The following UBE2R2 variants were observed in gnomAD, a reference collection of about 807,000 sequenced individuals.
UBE2R2 encodes the protein ubiquitin conjugating enzyme E2 R2.
A neutral mutation model predicts 27.8 loss-of-function variants in UBE2R2; 1 was observed. The ratio of observed to expected loss-of-function variants is 0.04; its 90% CI spans 0.01 to 0.17. The LOEUF (loss-of-function observed/expected upper bound fraction) is 0.17. Ranked by LOEUF, UBE2R2 falls within the 10% of genes least tolerant of loss-of-function variation. The pLI, the probability that UBE2R2 is intolerant of heterozygous loss-of-function variation, is 1.00. For missense variants in UBE2R2, 100 were observed against 291.0 expected, an observed-to-expected ratio of 0.34 and a Z score of 4.78; for synonymous variants, 106 against 113.3, an observed-to-expected ratio of 0.94 and a Z score of 0.41.
rs778731566 is a variant in UBE2R2, at chr9:33,917,177, T to G, written c.657T>G (p.Asp219Glu). The G allele has an allele frequency of 2.5e-6, 4 of 1,614,108 alleles. No individual in the cohort carries two copies. Among genetic ancestry groups the G allele is most frequent in the Non-Finnish European group, 2.5e-6 (3 of 1,179,998 alleles). Reference protein sequence around the residue: ...DLYDDDIDDEDEEEEDADCYD... With the variant: ...DLYDDDIDDEEEEEEDADCYD... ...ATGATGACGACATTGATGATGAAGA[T>G]GAGGAGGAGGAAGATGCCGACTGTT... Residue 219 changes from aspartate to glutamate, a missense_variant, in exon 5 of 5, where the codon GAT (aspartate) becomes GAG (glutamate). This residue lies in a region of UBE2R2 where 55 missense variants were observed against 122.6 expected (regional missense o/e 0.45). Transcript: ENST00000263228.
intron 1 of UBE2R2, among the ~76,000 whole-genome samples, chr9:33,828,165 G>A (rs1217248496): frequency 6.6e-6 from 1 of 151,284 alleles, no homozygotes; most frequent in East Asian, 2.0e-4. Flanking sequence ...AGCTGGTTGT[G>A]GTAGCACGCG....
intron 2 of UBE2R2, among the ~76,000 whole-genome samples, chr9:33,899,652 C>G (rs998525539): frequency 6.6e-6 from 1 of 152,174 alleles, no homozygotes; most frequent in African/African-American, 2.4e-5. Context: ...GGATTACAGG[C>G]GTGAGCCACC....
rs1352493193 is a variant in UBE2R2 at position 33,918,783 on chromosome 9, C to CGTAA, written c.*1547_*1550dup. On this transcript the variant is annotated 3_prime_UTR_variant, in exon 5 of 5. Transcript: ENST00000263228. Reference sequence around the variant, plus strand: ...ACTAGTGTCAACTCCTCCTTTGGCTCGTAACTCAGAAAGAACCAAAGGGCA... The same window carrying CGTAA: ...ACTAGTGTCAACTCCTCCTTTGGCTCGTAAGTAACTCAGAAAGAACCAAAGGGCA... 6.6e-6 allele frequency: 1 copy of CGTAA among 152,596 alleles called. No individual in the cohort carries two copies. Among genetic ancestry groups the CGTAA allele is most frequent in the East Asian group, 1.9e-4 (1 of 5,190 alleles). 9.5% of individuals were successfully genotyped at this position (152,596 alleles called of 1,614,324 possible). A position where few individuals can be genotyped will look rare whatever the true frequency, so the allele number is the denominator to read the frequency against.
At chr9:33,908,915 C>T (rs776242654) in intron 3 of UBE2R2, among the ~76,000 whole-genome samples, 3 of 151,904 alleles carry the variant, frequency 2.0e-5, no homozygotes, top group Non-Finnish European at 4.4e-5. Context: ...ATTATCACTT[C>T]AGCCCAGGAG....
At chr9:33,859,799 T>TGTGTGTGTGTGTGTGA (rs766779268) in intron 1 of UBE2R2, among the ~76,000 whole-genome samples, 73 of 86,578 alleles carry the variant, frequency 8.4e-4, no homozygotes, top group East Asian at 5.3e-3. Flanking sequence ...TGTGTGTGTG[T>TGTGTGTGTGTGTGTGA]GAGAGAGAGA....
chr9:33,906,097 G>C (rs1207863613), intron 3 of UBE2R2, among the ~76,000 whole-genome samples: 1 of 147,178 alleles, frequency 6.8e-6, no homozygotes. Flanking sequence ...TGTTGTTGTC[G>C]TCGTCGTCGT....
At chr9:33,886,382 C>T (rs1821852708) in intron 1 of UBE2R2, among the ~76,000 whole-genome samples, 1 of 152,044 alleles carries the variant, frequency 6.6e-6, no homozygotes, top group African/African-American at 2.4e-5. Flanking sequence ...AGGGGCAGGG[C>T]ACGGTGGCTC....
intron 1 of UBE2R2, among the ~76,000 whole-genome samples, chr9:33,870,462 ATGTT>A (rs938308691): frequency 1.2e-4 from 19 of 152,218 alleles, no homozygotes; most frequent in Middle Eastern, 3.4e-3. Flanking sequence ...ATAATGTACT[ATGTT>A]TGGGGAGAAT....
chr9:33,916,363 C>T (rs1245566034), intron 4 of UBE2R2, among the ~76,000 whole-genome samples: 1 of 152,002 alleles, frequency 6.6e-6, no homozygotes, highest in Admixed American at 6.6e-5. Flanking sequence ...GTGGGTCGTG[C>T]AAGACACTGG....
At chr9:33,913,491 G>A (rs576295262) in intron 4 of UBE2R2, among the ~76,000 whole-genome samples, 1 of 152,024 alleles carries the variant, frequency 6.6e-6, no homozygotes, top group South Asian at 2.1e-4. Context: ...TGAACTCTTG[G>A]CCTCAAGTGA....
rs550060915 is a variant in UBE2R2 at position 33,818,149 on chromosome 9, A to G, written c.177+215A>G. On this transcript the variant is annotated intron_variant, in intron 1 of 4. Coordinates refer to ENST00000263228, the MANE Select transcript of UBE2R2 (RefSeq NM_017811.4). Reference sequence around the variant, plus strand: ...GGGCGGGGGCTCGGGCGGGGGCGGGAGGGCAGGCTGCACCGGGAAATCGGA... The same window carrying G: ...GGGCGGGGGCTCGGGCGGGGGCGGGGGGGCAGGCTGCACCGGGAAATCGGA... Among the ~76,000 whole-genome samples, 173 of 149,466 alleles carry G rather than the reference A, an allele frequency of 1.2e-3. 2 individuals carry two copies. The highest frequency in any genetic ancestry group is 0.011 in the South Asian group (49 of 4,660).
intron 1 of UBE2R2, among the ~76,000 whole-genome samples, chr9:33,846,054 A>G (rs1261661146): frequency 6.7e-6 from 1 of 150,134 alleles, no homozygotes; most frequent in Admixed American, 6.7e-5. Flanking sequence ...TGAACTCGGG[A>G]GGTGGAGCTT....
At position 33,886,891 on chromosome 9, in the gene UBE2R2, A is replaced by C. The variant is rs952222575; in HGVS notation, c.188A>C (p.Lys63Thr). The change falls in exon 2 of 5, where the codon AAA becomes ACA. Residue 63 changes from lysine (K) to threonine (T), a missense_variant. Transcript: ENST00000263228. ...TTTTTTTCTTTTCAGGCGCATATTAAATTTCCTATTGACTACCCCTATTCA... is the reference window on the plus strand; with the variant it reads ...TTTTTTTCTTTTCAGGCGCATATTACATTTCCTATTGACTACCCCTATTCA... ...YEGGYFKAHIKFPIDYPYSPP... is the reference protein window; with the variant it reads ...YEGGYFKAHITFPIDYPYSPP... 6.3e-7 allele frequency: 1 copy of C among 1,582,226 alleles called. No homozygotes were observed. The highest frequency in any genetic ancestry group is 1.4e-5 in the African/African-American group (1 of 72,420).
intron 1 of UBE2R2, among the ~76,000 whole-genome samples, chr9:33,824,802 CAAA>C (rs1172352568): frequency 5.2e-5 from 4 of 77,004 alleles, no homozygotes; most frequent in Admixed American, 3.2e-4. Context: ...AGCTCTGTCT[CAAA>C]AAAAAAAAAA....
chr9:33,831,901 T>C (rs1428913998), intron 1 of UBE2R2, among the ~76,000 whole-genome samples: 1 of 151,444 alleles, frequency 6.6e-6, no homozygotes, highest in Admixed American at 6.6e-5. Context: ...ACTCAGGTGA[T>C]CTGCCTGCTT....
At chr9:33,816,791 G>C (rs1356546773), upstream of UBE2R2, among the ~76,000 whole-genome samples, 1 of 152,246 alleles carries the variant, frequency 6.6e-6, no homozygotes, top group African/African-American at 2.4e-5. Context: ...ATCCACAGTG[G>C]GGAGGGCCCC....
chr9:33,853,861 T>TA (rs1411000105), intron 1 of UBE2R2, among the ~76,000 whole-genome samples: 4 of 149,114 alleles, frequency 2.7e-5, no homozygotes, highest in Admixed American at 1.3e-4. Context: ...CCTAGATAAT[T>TA]AAAAAAAAAT....
chr9:33,825,176 G>A (rs961980740), intron 1 of UBE2R2, among the ~76,000 whole-genome samples: 2 of 151,348 alleles, frequency 1.3e-5, no homozygotes, highest in African/African-American at 4.9e-5. Context: ...CCAGGCGGTC[G>A]CCTGTAATCC....
chr9:33,886,291 T>C (rs1426723596), intron 1 of UBE2R2, among the ~76,000 whole-genome samples: 1 of 152,184 alleles, frequency 6.6e-6, no homozygotes, highest in Non-Finnish European at 1.5e-5. Flanking sequence ...TTTTCACTTG[T>C]GAGGCAAGTT....
Sources: allele counts gnomAD v4.1 joint callset (sites outside exome capture counted in the v4.1 genomes callset), GRCh38; gene constraint gnomAD v4.1.1; regional missense constraint gnomAD v4.1.1; transcripts MANE v1.5; gene names NCBI Gene and HGNC (gene_info 2026-07-23, HGNC 2026-07-21).